Variants in SLC10A7 observed in about 807,000 individuals in gnomAD.
SLC10A7 encodes the protein sodium/bile acid cotransporter 7.
SLC10A7 carries 29 observed loss-of-function variants against 43.2 expected under a neutral mutation model. That is an observed-to-expected ratio of 0.67 (90% CI 0.50 to 0.92). The LOEUF is 0.92. Among genes scored for constraint, SLC10A7 ranks in the 40% least tolerant of loss-of-function variants. The pLI, the probability that SLC10A7 is intolerant of heterozygous loss-of-function variation, is 0.00. For synonymous variants in SLC10A7, 152 were observed against 144.8 expected, an observed-to-expected ratio of 1.05 and a Z score of -0.35; for missense variants, 295 against 403.2, an observed-to-expected ratio of 0.73 and a Z score of 2.30.
chr4:146,480,573 G>C (rs1734383340), intron 4 of SLC10A7, among the ~76,000 whole-genome samples: 1 of 151,954 alleles, frequency 6.6e-6, no homozygotes, highest in African/African-American at 2.4e-5. Flanking sequence ...ATTCCAGTAA[G>C]CAGAAAGATG....
chr4:146,451,506 A>G (rs1560921482), intron 4 of SLC10A7, among the ~76,000 whole-genome samples: 1 of 152,144 alleles, frequency 6.6e-6, no homozygotes, highest in Admixed American at 6.6e-5. Flanking sequence ...GGAATCCAAC[A>G]GCACATCAAA....
intron 4 of SLC10A7, among the ~76,000 whole-genome samples, chr4:146,468,219 T>C (rs1474105305): frequency 6.6e-6 from 1 of 152,174 alleles, no homozygotes; most frequent in Non-Finnish European, 1.5e-5. Flanking sequence ...TGACAATCAG[T>C]AGCACCATAA....
intron 5 of SLC10A7, among the ~76,000 whole-genome samples, chr4:146,434,224 A>G (rs1730026572): frequency 6.6e-6 from 1 of 152,308 alleles, no homozygotes; most frequent in African/African-American, 2.4e-5. Flanking sequence ...CAGGACATAG[A>G]CCAAAATGCT....
At chr4:146,368,642 C>T (rs557505024) in intron 5 of SLC10A7, among the ~76,000 whole-genome samples, 8 of 152,158 alleles carry the variant, frequency 5.3e-5, no homozygotes, top group Non-Finnish European at 1.2e-4. Flanking sequence ...TGTGCCCCTT[C>T]CTTCCTTCCT....
chr4:146,372,140 A>G (rs1372018525), intron 5 of SLC10A7, among the ~76,000 whole-genome samples: 1 of 152,186 alleles, frequency 6.6e-6, no homozygotes, highest in Non-Finnish European at 1.5e-5. Context: ...GGCAGAGCTG[A>G]GAAAACTGTT....
intron 5 of SLC10A7, among the ~76,000 whole-genome samples, chr4:146,373,336 T>C (rs887387583): frequency 3.9e-5 from 6 of 151,954 alleles, no homozygotes; most frequent in African/African-American, 1.5e-4. Context: ...TAGCCAGGCC[T>C]GGTGAAACAC....
intron 4 of SLC10A7, among the ~76,000 whole-genome samples, chr4:146,447,848 A>C (rs1295262278): frequency 6.6e-6 from 1 of 152,120 alleles, no homozygotes; most frequent in Non-Finnish European, 1.5e-5. Flanking sequence ...TTATTTTGGA[A>C]AACTGAGCAA....
chr4:146,419,395 C>A (rs978537409), intron 5 of SLC10A7, among the ~76,000 whole-genome samples: 14 of 152,154 alleles, frequency 9.2e-5, no homozygotes, highest in African/African-American at 3.1e-4. Flanking sequence ...ACATATTTCA[C>A]AATATCACAT....
intron 5 of SLC10A7, among the ~76,000 whole-genome samples, chr4:146,372,453 C>CAA (rs3042366): frequency 8.5e-6 from 1 of 117,008 alleles, no homozygotes; most frequent in African/African-American, 3.2e-5. Flanking sequence ...AACCCTGTTT[C>CAA]AAAAAAAAAA....
chr4:146,254,580 T>C lies in SLC10A7; in HGVS notation c.*1911A>G, dbSNP rs1044046988. 3 of 152,200 alleles carry C rather than the reference T, an allele frequency of 2.0e-5. No homozygotes were observed. Among genetic ancestry groups the C allele is most frequent in the African/African-American group, 7.2e-5 (3 of 41,446 alleles). The allele number at this position is 152,200 out of a possible 1,614,324, so 9.4% of individuals were successfully genotyped here. On this transcript the variant is annotated 3_prime_UTR_variant, in exon 12 of 12. Transcript: ENST00000335472. ...TAAAGCAAACGATAAAATGTTATCA[T>C]AGCATTTTCAGTTGAATTTTATCCC...
At chr4:146,295,439 G>T (rs936198757) in intron 7 of SLC10A7, among the ~76,000 whole-genome samples, 11 of 152,162 alleles carry the variant, frequency 7.2e-5, no homozygotes, top group Admixed American at 7.2e-4. Flanking sequence ...TTGGGAAGGT[G>T]GGGGGAGTGT....
In SLC10A7 at chr4:146,377,344, C is replaced by G. The variant is rs192384637; in HGVS notation, c.436-51348G>C. On this transcript the variant is annotated intron_variant, in intron 5 of 11. Transcript: ENST00000335472. ...AGGGCAGGATGTAAAAGGCTGTCAC[C>G]CTGACTCTCCATTGAGCTGGTTAAC... Among the ~76,000 whole-genome samples the G allele has an allele frequency of 5.3e-5, 8 of 152,262 alleles. No individual in the cohort carries two copies. The South Asian group carries it at 1.5e-3, about 28-fold the overall frequency.
intron 5 of SLC10A7, among the ~76,000 whole-genome samples, chr4:146,437,809 A>G (rs754789480): frequency 6.6e-6 from 1 of 152,054 alleles, no homozygotes; most frequent in Non-Finnish European, 1.5e-5. Context: ...ACAGCAATCA[A>G]TGAGTAACAA....
chr4:146,450,130 C>T (rs1394872566), intron 4 of SLC10A7, among the ~76,000 whole-genome samples: 5 of 152,074 alleles, frequency 3.3e-5, no homozygotes, highest in East Asian at 1.9e-4. Context: ...AGGTAGTTAG[C>T]CCTCTGTATC....
intron 9 of SLC10A7, among the ~76,000 whole-genome samples, chr4:146,285,427 C>T (rs1729830253): frequency 6.6e-6 from 1 of 152,146 alleles, no homozygotes; most frequent in Admixed American, 6.6e-5. Flanking sequence ...AGAGTGCAGG[C>T]TTTTGGAGCA....
At chr4:146,259,419 T>C (rs956421892) in intron 10 of SLC10A7, among the ~76,000 whole-genome samples, 3 of 152,226 alleles carry the variant, frequency 2.0e-5, no homozygotes, top group African/African-American at 4.8e-5. Flanking sequence ...GTAAGGGTCA[T>C]ACAGATTGGT....
chr4:146,447,566 G>A (rs569146848), intron 4 of SLC10A7, among the ~76,000 whole-genome samples: 74 of 152,068 alleles, frequency 4.9e-4, no homozygotes, highest in Middle Eastern at 6.8e-3. Flanking sequence ...CTAACTGAAT[G>A]TCCTACACAG....
intron 5 of SLC10A7, among the ~76,000 whole-genome samples, chr4:146,404,542 T>C (rs982206066): frequency 6.6e-6 from 1 of 151,574 alleles, no homozygotes. Flanking sequence ...TTGTTCATTT[T>C]TCTATGGGTA....
chr4:146,424,673 A>C lies in SLC10A7; in HGVS notation c.435+18110T>G, dbSNP rs1306708113. Among the ~76,000 whole-genome samples the C allele has an allele frequency of 2.0e-5, 3 of 151,760 alleles. No individual in the cohort carries two copies. The East Asian group carries it at 5.8e-4, about 29-fold the overall frequency. On this transcript the variant is annotated intron_variant, in intron 5 of 11. Transcript: ENST00000335472. The stretch of plus-strand genomic sequence containing the variant: ...AGACTCCATCTCAGAAAAAAACAAA[A>C]AAAAAACAAAAACAAAAACAAAAAA...
Sources: allele counts gnomAD v4.1 joint callset (sites outside exome capture counted in the v4.1 genomes callset), GRCh38; gene constraint gnomAD v4.1.1; transcripts MANE v1.5; gene names NCBI Gene and HGNC (gene_info 2026-07-23, HGNC 2026-07-21).